FBLN1: variants seen among roughly 807,000 people sequenced by gnomAD.
The protein encoded by FBLN1 is fibulin 1.
A neutral mutation model predicts 89.7 loss-of-function variants in FBLN1; 34 were observed. The ratio of observed to expected loss-of-function variants is 0.38; its 90% CI spans 0.29 to 0.50. The LOEUF is 0.50. Ranked by LOEUF, FBLN1 falls within the 20% of genes least tolerant of loss-of-function variation. FBLN1 has a pLI of 0.92. For missense variants in FBLN1, 777 were observed against 988.1 expected (o/e 0.79, Z 2.86); for synonymous variants, 393 against 391.3 (o/e 1.00, Z -0.05).
Position 45,518,738 on chromosome 22 carries a change from C to T in FBLN1, c.136C>T (p.His46Tyr), listed in dbSNP as rs1366664161. The change falls in exon 2 of 17, where the codon CAT becomes TAT. Residue 46 changes from histidine to tyrosine, a missense_variant. Coordinates refer to ENST00000327858, the MANE Select transcript of FBLN1 (RefSeq NM_006486.3). Reference protein sequence around the residue: ...CCADGHRMATHQKDCSLPYAT... With the variant: ...CCADGHRMATYQKDCSLPYAT... Reference sequence around the variant, plus strand: ...TGCGGACGGACACCGGATGGCCACTCATCAGAAGGACTGCTCGCTGCCATA... The same window carrying T: ...TGCGGACGGACACCGGATGGCCACTTATCAGAAGGACTGCTCGCTGCCATA... 1 of 1,612,274 alleles carries T rather than the reference C, an allele frequency of 6.2e-7. No individual in the cohort carries two copies. The highest frequency in any genetic ancestry group is 1.3e-5 in the African/African-American group (1 of 74,894).
chr22:45,562,413 A>G lies in FBLN1; in HGVS notation c.1697+11798A>G, dbSNP rs1249312412. On this transcript the variant is annotated intron_variant, in intron 14 of 16. Transcript: ENST00000327858. This position sits in a 1 kb window ranked among gnomAD's most constrained non-coding sequence, Gnocchi z 7.8. ...GAAAAATATCACCGAAGCCACTGTCATGGGGTGGTGGCAGTGATCACACTA... is the reference window on the plus strand; with the variant it reads ...GAAAAATATCACCGAAGCCACTGTCGTGGGGTGGTGGCAGTGATCACACTA... 6.6e-6 allele frequency among the ~76,000 whole-genome samples: 1 copy of G among 152,200 alleles called. No individual in the cohort carries two copies. The highest frequency in any genetic ancestry group is 2.4e-5 in the African/African-American group (1 of 41,458).
chr22:45,584,429 A>T (rs1259166628), intron 16 of FBLN1, among the ~76,000 whole-genome samples: 2 of 152,232 alleles, frequency 1.3e-5, no homozygotes, highest in Non-Finnish European at 2.9e-5. Context: ...TTTGAAAAAT[A>T]GCAATGGCGT....
Position 45,530,770 on chromosome 22 carries a change from C to CA in FBLN1, c.485-495_485-494insA, listed in dbSNP as rs2088394757. Among the ~76,000 whole-genome samples, 1 of 149,658 alleles carries CA rather than the reference C, an allele frequency of 6.7e-6. No homozygotes were observed. The highest frequency in any genetic ancestry group is 2.0e-4 in the East Asian group (1 of 5,082). On this transcript the variant is annotated intron_variant, in intron 4 of 16. Coordinates refer to ENST00000327858, the MANE Select transcript of FBLN1 (RefSeq NM_006486.3). The surrounding 1 kb of genome is among the most constrained non-coding windows in gnomAD (Gnocchi z 5.4). The stretch of plus-strand genomic sequence containing the variant: ...CTGTGGTCTTTCTGTTATAACTGAT[C>CA]TTTTTTTTTTGAAACGGAGTCTCGC...
At chr22:45,542,111 C>A in intron 9 of FBLN1, 44 bp from the exon 10 acceptor site, 1 of 1,613,842 alleles carries the variant, frequency 6.2e-7, no homozygotes, top group Non-Finnish European at 8.5e-7. Flanking sequence ...GGGAAAAAAC[C>A]CAAACTAAAG....
At chr22:45,586,924 G>A (rs1371337250) in intron 16 of FBLN1, among the ~76,000 whole-genome samples, 1 of 152,100 alleles carries the variant, frequency 6.6e-6, no homozygotes, top group Non-Finnish European at 1.5e-5. Context: ...CAGGCCATGT[G>A]GACAGGGTCT....
In FBLN1 at chr22:45,503,037, G is replaced by C; in HGVS notation, c.52G>C (p.Gly18Arg). Reference sequence around the variant, plus strand: ...GGTCCCGCTTCCGCTGCTGCTGCTCGGCGGCCTTGCGCTGCTGGCGGCCGG... The same window carrying C: ...GGTCCCGCTTCCGCTGCTGCTGCTCCGCGGCCTTGCGCTGCTGGCGGCCGG... ...RRVPLPLLLL[G>R]GLALLAAGVD... Residue 18 changes from glycine to arginine, a missense_variant, in exon 1 of 17, where the codon GGC (glycine) becomes CGC (arginine). By Grantham distance (125) the Gly-to-Arg change is moderately radical (BLOSUM62 -2). Transcript: ENST00000327858. The C allele has an allele frequency of 1.6e-6, 2 of 1,253,398 alleles. No individual in the cohort carries two copies. Among genetic ancestry groups the C allele is most frequent in the Non-Finnish European group, 1.0e-6 (1 of 999,974 alleles). The allele number at this position is 1,253,398 out of a possible 1,614,324, so 77.6% of individuals were successfully genotyped here. A position where few individuals can be genotyped will look rare whatever the true frequency, so the allele number is the denominator to read the frequency against.
At position 45,563,097 on chromosome 22, in the gene FBLN1, G is replaced by A; in HGVS notation, c.1698-11414G>A. The A allele has an allele frequency of 6.2e-7, 1 of 1,613,416 alleles. No individual in the cohort carries two copies. Among genetic ancestry groups the A allele is most frequent in the African/African-American group, 1.3e-5 (1 of 75,014 alleles). On this transcript the variant is annotated intron_variant, in intron 14 of 16. Transcript: ENST00000327858. This position sits in a 1 kb window ranked among gnomAD's most constrained non-coding sequence, Gnocchi z 5.7. Reference sequence around the variant, plus strand: ...GCCATCACCGGCGGCAATGAGGAGGGCTTTTTCACCACCCGGAAGGTGAGC... The same window carrying A: ...GCCATCACCGGCGGCAATGAGGAGGACTTTTTCACCACCCGGAAGGTGAGC...
rs1411427588 is a variant in FBLN1 at position 45,536,530 on chromosome 22, C to T, written c.922+1193C>T. ...TTGTAATCCCAGCACTTTGGGAGGC[C>T]GAGGAGGGTGGATCACCTGAGGTCA... On this transcript the variant is annotated intron_variant, in intron 8 of 16. Coordinates refer to ENST00000327858, the MANE Select transcript of FBLN1 (RefSeq NM_006486.3). The surrounding 1 kb of genome is among the most constrained non-coding windows in gnomAD (Gnocchi z 5.1). 6.6e-6 allele frequency among the ~76,000 whole-genome samples: 1 copy of T among 152,046 alleles called. No homozygotes were observed. Among genetic ancestry groups the T allele is most frequent in the African/African-American group, 2.4e-5 (1 of 41,380 alleles).
rs768188103 is a variant in FBLN1 at position 45,531,564 on chromosome 22, C to T, written c.544+240C>T. Among the ~76,000 whole-genome samples the T allele has an allele frequency of 5.3e-5, 8 of 152,192 alleles. No individual in the cohort carries two copies. Among genetic ancestry groups the T allele is most frequent in the Non-Finnish European group, 7.3e-5 (5 of 68,036 alleles). On this transcript the variant is annotated intron_variant, in intron 5 of 16. Coordinates refer to ENST00000327858, the MANE Select transcript of FBLN1 (RefSeq NM_006486.3). This position sits in a 1 kb window ranked among gnomAD's most constrained non-coding sequence, Gnocchi z 4.9. ...AACAAAAAGCAAAACCAAGGAATCT[C>T]GGTGCTGATCTCACTGGAAGTTGGA... is the stretch of plus-strand genomic sequence containing the variant.
Position 45,574,404 on chromosome 22 carries a change from C to G in FBLN1, c.1698-107C>G, listed in dbSNP as rs2088975756. 2 of 1,217,658 alleles carry G rather than the reference C, an allele frequency of 1.6e-6. No individual in the cohort carries two copies. Among genetic ancestry groups the G allele is most frequent in the Non-Finnish European group, 2.4e-6 (2 of 841,252 alleles). 75.4% of individuals were successfully genotyped at this position (1,217,658 alleles called of 1,614,324 possible). A position where few individuals can be genotyped will look rare whatever the true frequency, so the allele number is the denominator to read the frequency against. On this transcript the variant is annotated intron_variant, in intron 14 of 16. Transcript: ENST00000327858. This position sits in a 1 kb window ranked among gnomAD's most constrained non-coding sequence, Gnocchi z 4.1. ...TTCTCTGATGGAGCTGTCTCTGGGA[C>G]AGATGCCCCTGCCCTGGCCACCTGC...
At chr22:45,525,066 T>A (rs1174678168) in intron 2 of FBLN1, among the ~76,000 whole-genome samples, 1 of 140,836 alleles carries the variant, frequency 7.1e-6, no homozygotes, top group African/African-American at 2.7e-5. Flanking sequence ...CCTAACTCCA[T>A]CTCAAAGAAA....
At chr22:45,596,059 C>CGGGGTGA (rs1192968805) in intron 16 of FBLN1, among the ~76,000 whole-genome samples, 5 of 151,992 alleles carry the variant, frequency 3.3e-5, no homozygotes, top group Non-Finnish European at 7.4e-5. Context: ...TTAGTAGAGA[C>CGGGGTGA]GGGGTTTCAC....
At position 45,581,873 on chromosome 22, in the gene FBLN1, C is replaced by T. The variant is rs2089044792; in HGVS notation, c.1972+4765C>T. On this transcript the variant is annotated intron_variant, in intron 16 of 16. Coordinates refer to ENST00000327858, the MANE Select transcript of FBLN1 (RefSeq NM_006486.3). This position sits in a 1 kb window ranked among gnomAD's most constrained non-coding sequence, Gnocchi z 7.6. ...GGGCACAGCCTGCGGTTTGGGGCTG[C>T]TGGAGCATCCAGGGTGCAGGGAGGG... Among the ~76,000 whole-genome samples the T allele has an allele frequency of 2.0e-5, 3 of 152,210 alleles. No individual in the cohort carries two copies. The highest frequency in any genetic ancestry group is 7.2e-5 in the African/African-American group (3 of 41,538).
At chr22:45,560,562 A>G (rs1274025502) in intron 14 of FBLN1, among the ~76,000 whole-genome samples, 1 of 152,230 alleles carries the variant, frequency 6.6e-6, no homozygotes, top group Non-Finnish European at 1.5e-5. Context: ...ATAAACTATT[A>G]GAACCTTTTT....
Position 45,543,480 on chromosome 22 carries a change from C to T in FBLN1, c.1275C>T (p.Ser425=), listed in dbSNP as rs146511967. ...CENTLGSYLC[S]CSVGFRLSVD... Reference sequence around the variant, plus strand: ...ACACGCTGGGCTCCTACCTCTGCAGCTGTTCCGTGGGCTTCCGGCTCTCTG... The same window carrying T: ...ACACGCTGGGCTCCTACCTCTGCAGTTGTTCCGTGGGCTTCCGGCTCTCTG... The change falls in exon 11 of 17, where the codon AGC becomes AGT. Residue 425 remains serine (S), a synonymous_variant. Coordinates refer to ENST00000327858, the MANE Select transcript of FBLN1 (RefSeq NM_006486.3). 2 of 1,613,820 alleles carry T rather than the reference C, an allele frequency of 1.2e-6. No individual in the cohort carries two copies. The highest frequency in any genetic ancestry group is 1.7e-6 in the Non-Finnish European group (2 of 1,180,028).
chr22:45,507,916 T>G (rs773240204), intron 1 of FBLN1, among the ~76,000 whole-genome samples: 1 of 152,194 alleles, frequency 6.6e-6, no homozygotes, highest in African/African-American at 2.4e-5. Flanking sequence ...CTTCTTGTTT[T>G]GGCCTAGAAC....
intron 10 of FBLN1, among the ~76,000 whole-genome samples, chr22:45,542,538 C>G (rs1191476533): frequency 6.6e-6 from 1 of 152,216 alleles, no homozygotes; most frequent in South Asian, 2.1e-4. Flanking sequence ...TTCTGCTTGA[C>G]CCAGGACCTC....
At chr22:45,582,094 A>G (rs191092996) in intron 16 of FBLN1, among the ~76,000 whole-genome samples, 2 of 152,312 alleles carry the variant, frequency 1.3e-5, no homozygotes, top group Non-Finnish European at 2.9e-5. Flanking sequence ...CTGAGGCCGG[A>G]AGAGCCAAGT....
At chr22:45,527,812 G>T in intron 3 of FBLN1, 35 bp from the exon 4 acceptor site, 1 of 1,612,128 alleles carries the variant, frequency 6.2e-7, no homozygotes, top group Non-Finnish European at 8.5e-7. Flanking sequence ...CTGTCTGCCC[G>T]CTCCTCCATC....
Sources: gnomAD v4.1 joint callset for allele counts (sites outside exome capture counted in the v4.1 genomes callset) on GRCh38, gnomAD v4.1.1 for gene constraint, Gnocchi (gnomAD v3.1) non-coding constraint, MANE v1.5 for transcripts, NCBI Gene and HGNC (gene_info 2026-07-23, HGNC 2026-07-21) for gene names.